Variants in MTF2 observed in about 807,000 individuals in gnomAD.
The protein encoded by MTF2 is metal-response element-binding transcription factor 2.
In MTF2, 11 loss-of-function variants were observed where a neutral mutation model predicts 79.5. The observed-to-expected ratio is 0.14, with a 90% CI of 0.09 to 0.23. The LOEUF (loss-of-function observed/expected upper bound fraction) is 0.23, where lower values mean the gene tolerates loss of function less well. MTF2 is among the 10% of genes least tolerant of loss of function. The pLI is 1.00. For missense variants in MTF2, 486 were observed against 711.2 expected (o/e 0.68, Z 3.60); for synonymous variants, 208 against 232.8 (o/e 0.89, Z 0.97).
At chr1:93,113,589 C>T (rs550974480) in intron 3 of MTF2, among the ~76,000 whole-genome samples, 136 of 152,114 alleles carry the variant, frequency 8.9e-4, no homozygotes, top group Middle Eastern at 3.4e-3. Context: ...TTAGAAGTTA[C>T]AATTTTGAAA....
chr1:93,117,685 A>G (rs2101069080), intron 6 of MTF2, among the ~76,000 whole-genome samples: 1 of 152,284 alleles, frequency 6.6e-6, no homozygotes, highest in African/African-American at 2.4e-5. Flanking sequence ...GGCAAACAAC[A>G]GTACCTCTGA....
At chr1:93,095,010 G>A (rs905069999) in intron 1 of MTF2, among the ~76,000 whole-genome samples, 5 of 152,104 alleles carry the variant, frequency 3.3e-5, no homozygotes, top group African/African-American at 4.8e-5. Context: ...TGACTCGGGG[G>A]TTCCAAGTGT....
intron 9 of MTF2, 108 bp from the exon 10 acceptor site, chr1:93,127,124 T>C (rs2101086159): frequency 1.4e-6 from 1 of 721,404 alleles, no homozygotes; most frequent in African/African-American, 1.7e-5. Context: ...ATCTTCTGAC[T>C]ACCAATCAGT....
chr1:93,093,066 C>G (rs1655137979), intron 1 of MTF2, among the ~76,000 whole-genome samples: 1 of 151,936 alleles, frequency 6.6e-6, no homozygotes, highest in Non-Finnish European at 1.5e-5. Context: ...CCTGTAATCC[C>G]AGCTACTTGG....
chr1:93,082,919 T>C (rs550638929), intron 1 of MTF2, among the ~76,000 whole-genome samples: 27 of 152,224 alleles, frequency 1.8e-4, no homozygotes, highest in Non-Finnish European at 2.8e-4. Flanking sequence ...GTCTATAAAT[T>C]TGCCTGTTCT....
chr1:93,119,422 T>G, intron 8 of MTF2, 21 bp downstream of exon 8: 1 of 1,546,932 alleles, frequency 6.5e-7, no homozygotes, highest in Non-Finnish European at 8.7e-7. Flanking sequence ...ACCTTTCTGT[T>G]AAAAGAAAGA....
intron 4 of MTF2, 42 bp downstream of exon 4, chr1:93,114,825 CTA>C (rs758076916): frequency 4.1e-6 from 6 of 1,466,922 alleles, no homozygotes; most frequent in East Asian, 2.3e-5. Flanking sequence ...TACTGAATGA[CTA>C]TGTTGAAGAT....
intron 1 of MTF2, among the ~76,000 whole-genome samples, chr1:93,106,437 TGATTA>T (rs1480101074): frequency 9.7e-4 from 2 of 2,052 alleles, no homozygotes; most frequent in Non-Finnish European, 5.7e-3. Context: ...CACCCATGAT[TGATTA>T]ATTGTTCAGG....
At position 93,087,083 on chromosome 1, in the gene MTF2, G is replaced by C. The variant is rs1301977440; in HGVS notation, c.5+7552G>C. On this transcript the variant is annotated intron_variant, in intron 1 of 14. Coordinates refer to ENST00000370298, the MANE Select transcript of MTF2 (RefSeq NM_007358.4). Reference sequence around the variant, plus strand: ...CTGCGTTTTGACTACAACCTGTTACGAGGTCAGATGTGGAATTTTTCATGT... The same window carrying C: ...CTGCGTTTTGACTACAACCTGTTACCAGGTCAGATGTGGAATTTTTCATGT... Among the ~76,000 whole-genome samples the C allele has an allele frequency of 7.2e-5, 11 of 152,164 alleles. No individual in the cohort carries two copies. The East Asian group carries it at 2.1e-3, about 29-fold the overall frequency.
At chr1:93,101,015 A>G (rs1453749320) in intron 1 of MTF2, among the ~76,000 whole-genome samples, 1 of 152,234 alleles carries the variant, frequency 6.6e-6, no homozygotes, top group Non-Finnish European at 1.5e-5. Flanking sequence ...AATTGTGGGC[A>G]TGGGAAAGAT....
chr1:93,129,298 TAAA>T lies in MTF2; in HGVS notation c.1011_1013del (p.Ile337_Lys338delinsMet). The T allele has an allele frequency of 6.4e-7, 1 of 1,567,148 alleles. No individual in the cohort carries two copies. The highest frequency in any genetic ancestry group is 8.7e-7 in the Non-Finnish European group (1 of 1,155,854). ...TTTAGGTTTATGTCTGGGAAAGAAATAAAGAAGAAGAAGCATTTGTTTGGGTTG... is the reference window on the plus strand; with the variant it reads ...TTTAGGTTTATGTCTGGGAAAGAAATGAAGAAGAAGCATTTGTTTGGGTTG... On this transcript the variant is annotated inframe_deletion, in exon 11 of 15. Coordinates refer to ENST00000370298, the MANE Select transcript of MTF2 (RefSeq NM_007358.4).
chr1:93,123,797 A>G (rs1456310697), intron 9 of MTF2, among the ~76,000 whole-genome samples: 11 of 122,144 alleles, frequency 9.0e-5, no homozygotes, highest in Non-Finnish European at 1.7e-5. Flanking sequence ...AAGCACTGTG[A>G]CTGTTTTTAT....
intron 8 of MTF2, 45 bp from the exon 9 acceptor site, chr1:93,120,504 A>C (rs1207971142): frequency 6.6e-7 from 1 of 1,514,614 alleles, no homozygotes; most frequent in Non-Finnish European, 8.8e-7. Flanking sequence ...TTTTAACAGT[A>C]ACCAAAAACA....
intron 11 of MTF2, among the ~76,000 whole-genome samples, chr1:93,132,582 A>G (rs1025325236): frequency 1.3e-5 from 2 of 152,202 alleles, no homozygotes; most frequent in African/African-American, 4.8e-5. Flanking sequence ...TACAAAAGAA[A>G]TGGATATCCC....
At chr1:93,079,648 C>T in intron 1 of MTF2, 117 bp downstream of exon 1, 2 of 1,322,122 alleles carry the variant, frequency 1.5e-6, no homozygotes, top group South Asian at 2.4e-5. Context: ...GGGGTGGGGG[C>T]TCCTGTATGT....
intron 1 of MTF2, among the ~76,000 whole-genome samples, chr1:93,108,251 A>T (rs1655886318): frequency 6.6e-6 from 1 of 151,434 alleles, no homozygotes; most frequent in Non-Finnish European, 1.5e-5. Flanking sequence ...TTTTATAATT[A>T]CTTTTGTTGG....
chr1:93,124,587 C>G (rs1656616252), intron 9 of MTF2, among the ~76,000 whole-genome samples: 1 of 151,760 alleles, frequency 6.6e-6, no homozygotes, highest in African/African-American at 2.4e-5. Context: ...AGAAATGATA[C>G]TAGAGGAAAA....
At position 93,115,067 on chromosome 1, in the gene MTF2, T is replaced by C. The variant is rs1656194313; in HGVS notation, c.462T>C (p.Cys154=). ...ATGAAAAATGGCTCTGTCGGCAGTG[T>C]GTTTTTGCAACAACAACAAAGGTAT... ...DSDEKWLCRQ[C]VFATTTKRGG... is the part of the protein sequence containing the mutation. The change falls in exon 5 of 15, where the codon TGT becomes TGC. Residue 154 remains cysteine (C), a synonymous_variant. Transcript: ENST00000370298. 6.2e-7 allele frequency: 1 copy of C among 1,608,248 alleles called. No homozygotes were observed. Among genetic ancestry groups the C allele is most frequent in the Admixed American group, 1.7e-5 (1 of 59,946 alleles).
chr1:93,086,722 G>C (rs1654854056), intron 1 of MTF2, among the ~76,000 whole-genome samples: 1 of 152,084 alleles, frequency 6.6e-6, no homozygotes, highest in Non-Finnish European at 1.5e-5. Context: ...TCCCAGTTTT[G>C]TTGGTGTTTG....
Sources: allele counts gnomAD v4.1 joint callset (sites outside exome capture counted in the v4.1 genomes callset), GRCh38; gene constraint gnomAD v4.1.1; transcripts MANE v1.5; gene names NCBI Gene and HGNC (gene_info 2026-07-23, HGNC 2026-07-21).